ZFHX3: variants seen among roughly 807,000 people sequenced by gnomAD.
ZFHX3 encodes the protein zinc finger homeobox 3.
ZFHX3 carries 42 observed loss-of-function variants against 279.1 expected under a neutral mutation model. The ratio of observed to expected loss-of-function variants is 0.15; its 90% CI spans 0.12 to 0.19. The LOEUF is 0.19. Among genes scored for constraint, ZFHX3 ranks in the 10% least tolerant of loss-of-function variants. The pLI, the probability that ZFHX3 is intolerant of heterozygous loss-of-function variation, is 1.00. For missense variants in ZFHX3, 4,981 were observed against 4,754.0 expected (o/e 1.05, Z -1.40); for synonymous variants, 2,293 against 1,957.8 (o/e 1.17, Z -4.52).
intron 3 of ZFHX3, among the ~76,000 whole-genome samples, chr16:73,441,207 G>T (rs8044733): frequency 6.6e-6 from 1 of 152,042 alleles, no homozygotes; most frequent in African/African-American, 2.4e-5. Context: ...GCAGGATAAG[G>T]CCCACTGCTT....
At chr16:73,090,621 T>G (rs1040201864) in intron 8 of ZFHX3, among the ~76,000 whole-genome samples, 2 of 151,670 alleles carry the variant, frequency 1.3e-5, no homozygotes, top group East Asian at 3.9e-4. Context: ...GCGTGGTGGT[T>G]CATGCCTGTA....
chr16:73,842,712 C>T (rs1324696730), intron 1 of ZFHX3, among the ~76,000 whole-genome samples: 1 of 152,210 alleles, frequency 6.6e-6, no homozygotes, highest in East Asian at 1.9e-4. Flanking sequence ...AATTTTATTC[C>T]AGGGACCTAA....
chr16:73,187,898 G>A (rs551027274), intron 5 of ZFHX3, among the ~76,000 whole-genome samples: 12 of 151,982 alleles, frequency 7.9e-5, no homozygotes, highest in Admixed American at 6.6e-4. Flanking sequence ...TCGCTCTGTC[G>A]CCCAGGCTGG....
chr16:73,484,858 T>A (rs61147107), intron 2 of ZFHX3, among the ~76,000 whole-genome samples: 9,361 of 152,246 alleles, frequency 0.061, 470 homozygotes, highest in African/African-American at 0.14. Flanking sequence ...TTACATTGTA[T>A]TTCATACAAA....
At chr16:73,049,569 G>C (rs1426868214), upstream of ZFHX3, among the ~76,000 whole-genome samples, 3 of 152,186 alleles carry the variant, frequency 2.0e-5, no homozygotes, top group Non-Finnish European at 4.4e-5. Context: ...TTTTAGTCCA[G>C]AATAGATTCT....
At chr16:73,001,456 ACTT>A (rs1181406652) in intron 1 of ZFHX3, among the ~76,000 whole-genome samples, 1 of 152,152 alleles carries the variant, frequency 6.6e-6, no homozygotes, top group Non-Finnish European at 1.5e-5. Flanking sequence ...AAGCTACTGA[ACTT>A]AGGGGTAATC....
intron 2 of ZFHX3, among the ~76,000 whole-genome samples, chr16:73,670,581 T>C (rs956704479): frequency 2.0e-5 from 3 of 152,214 alleles, no homozygotes; most frequent in African/African-American, 7.2e-5. Context: ...CTTGGTCTTC[T>C]AACCTTGGTA....
intron 2 of ZFHX3, among the ~76,000 whole-genome samples, chr16:73,548,942 C>A (rs937753630): frequency 6.6e-6 from 1 of 152,082 alleles, no homozygotes; most frequent in Admixed American, 6.5e-5. Flanking sequence ...TGAGTGGAGA[C>A]GGCTCTCAGC....
chr16:73,246,820 T>C, intron 5 of ZFHX3, among the ~76,000 whole-genome samples: 1 of 152,226 alleles, frequency 6.6e-6, no homozygotes, highest in East Asian at 1.9e-4. Flanking sequence ...TCTAAAATGA[T>C]TCTTTCATTC....
chr16:73,064,082 T>A (rs1295098220), upstream of ZFHX3, among the ~76,000 whole-genome samples: 1 of 152,094 alleles, frequency 6.6e-6, no homozygotes, highest in Non-Finnish European at 1.5e-5. Flanking sequence ...GGACGACAGC[T>A]CTTTCGGAAA....
intron 4 of ZFHX3, among the ~76,000 whole-genome samples, chr16:72,832,582 T>C (rs953104499): frequency 1.2e-4 from 19 of 152,382 alleles, no homozygotes; most frequent in African/African-American, 4.1e-4. Context: ...GGCTGTTCTA[T>C]GCGTGGTAGA....
chr16:73,729,589 A>G (rs1159610070), intron 1 of ZFHX3, among the ~76,000 whole-genome samples: 1 of 152,138 alleles, frequency 6.6e-6, no homozygotes, highest in Non-Finnish European at 1.5e-5. Context: ...GATTTCCCAG[A>G]TAAATGACTT....
chr16:72,888,165 T>C (rs2038678261), intron 4 of ZFHX3, among the ~76,000 whole-genome samples: 1 of 152,338 alleles, frequency 6.6e-6, no homozygotes, highest in East Asian at 1.9e-4. Flanking sequence ...GGCCATGCTC[T>C]TCTCCATAAA....
intron 5 of ZFHX3, among the ~76,000 whole-genome samples, chr16:73,158,643 G>A (rs1158536787): frequency 6.6e-6 from 1 of 152,106 alleles, no homozygotes; most frequent in Admixed American, 6.6e-5. Flanking sequence ...CAAAAAGCAC[G>A]AAGCTGGAGG....
chr16:72,946,792 C>T (rs987968181), intron 3 of ZFHX3, among the ~76,000 whole-genome samples: 4 of 152,168 alleles, frequency 2.6e-5, no homozygotes, highest in East Asian at 1.9e-4. Context: ...CACATCTCTA[C>T]GGGTGGAGAA....
At chr16:72,960,992 T>C (rs78131410) in intron 1 of ZFHX3, among the ~76,000 whole-genome samples, 29,115 of 151,646 alleles carry the variant, frequency 0.19, 3,310 homozygotes, top group Non-Finnish European at 0.27. Flanking sequence ...CCTCCACCCA[T>C]ACCAGTCAAG....
chr16:73,250,641 C>T (rs1177941032), intron 5 of ZFHX3, among the ~76,000 whole-genome samples: 1 of 152,144 alleles, frequency 6.6e-6, no homozygotes, highest in Non-Finnish European at 1.5e-5. Flanking sequence ...TCACGCCATT[C>T]TTCTGCCTCA....
At chr16:73,740,557 T>A (rs1399185049) in intron 1 of ZFHX3, among the ~76,000 whole-genome samples, 1 of 152,172 alleles carries the variant, frequency 6.6e-6, no homozygotes, top group Non-Finnish European at 1.5e-5. Context: ...GCCACTTATT[T>A]CCTTCAGCAA....
At chr16:73,261,853 T>C (rs1241685678) in intron 4 of ZFHX3, among the ~76,000 whole-genome samples, 1 of 152,046 alleles carries the variant, frequency 6.6e-6, no homozygotes, top group Non-Finnish European at 1.5e-5. Flanking sequence ...TTTTTTATTT[T>C]TAGCAGAGAC....
Sources: allele counts gnomAD v4.1 joint callset (sites outside exome capture counted in the v4.1 genomes callset), GRCh38; gene constraint gnomAD v4.1.1; transcripts MANE v1.5; gene names NCBI Gene and HGNC (gene_info 2026-07-23, HGNC 2026-07-21).